CRYZ: variants seen among roughly 807,000 people sequenced by gnomAD.
The protein encoded by CRYZ is crystallin zeta.
A neutral mutation model predicts 34.1 loss-of-function variants in CRYZ; 35 were observed. The observed-to-expected ratio is 1.03, with a 90% confidence interval of 0.78 to 1.36. The LOEUF is 1.36. Ranked by LOEUF, CRYZ falls within the 40% of genes most tolerant of loss-of-function variation. The probability of loss-of-function intolerance (pLI) is 0.00; values close to 1 mark genes in which losing one functional copy is unlikely to be tolerated. For synonymous variants in CRYZ, 137 were observed against 136.5 expected (o/e 1.00, Z -0.03); for missense variants, 403 against 391.8 (o/e 1.03, Z -0.24).
intron 5 of CRYZ, among the ~76,000 whole-genome samples, chr1:74,712,328 A>C (rs921902112): frequency 6.6e-6 from 1 of 152,212 alleles, no homozygotes; most frequent in Non-Finnish European, 1.5e-5. Flanking sequence ...TCTAGATGCC[A>C]GAACCCCTTC....
chr1:74,717,798 G>C (rs542839123), intron 4 of CRYZ, among the ~76,000 whole-genome samples: 2 of 152,088 alleles, frequency 1.3e-5, no homozygotes, highest in African/African-American at 4.8e-5. Flanking sequence ...AGATTCTGCC[G>C]GTCATGGAAT....
At chr1:74,724,549 G>T (rs552958863) in intron 2 of CRYZ, among the ~76,000 whole-genome samples, 162 bp downstream of exon 2, 1 of 152,180 alleles carries the variant, frequency 6.6e-6, no homozygotes, top group Non-Finnish European at 1.5e-5. Context: ...TAATTATCAG[G>T]TTTATGTTAA....
chr1:74,708,539 G>C (rs1279013467), intron 6 of CRYZ: 2 of 152,138 alleles, frequency 1.3e-5, no homozygotes, highest in African/African-American at 2.4e-5. Context: ...CAGTGGAATA[G>C]AGATAAGGAA....
At chr1:74,728,155 T>C (rs1409879035) in intron 1 of CRYZ, among the ~76,000 whole-genome samples, 1 of 152,228 alleles carries the variant, frequency 6.6e-6, no homozygotes, top group Non-Finnish European at 1.5e-5. Flanking sequence ...TTGAGATTTA[T>C]CAATGTCAAA....
At chr1:74,721,856 C>T (rs61790702) in intron 3 of CRYZ, among the ~76,000 whole-genome samples, 6,846 of 152,248 alleles carry the variant, frequency 0.045, 182 homozygotes, top group Non-Finnish European at 0.058. Context: ...TGGAAATGGT[C>T]ACATCTGCAC....
intron 3 of CRYZ, among the ~76,000 whole-genome samples, chr1:74,720,492 C>T (rs1404030124): frequency 6.6e-6 from 1 of 152,152 alleles, no homozygotes; most frequent in African/African-American, 2.4e-5. Context: ...AGACTGCCCA[C>T]CGTAACCACC....
At chr1:74,717,421 C>T (rs2100709965) in intron 4 of CRYZ, among the ~76,000 whole-genome samples, 1 of 152,222 alleles carries the variant, frequency 6.6e-6, no homozygotes, top group Admixed American at 6.5e-5. Flanking sequence ...CACCAATGAC[C>T]TCTTAATTGC....
chr1:74,719,178 TG>T (rs766355707), intron 4 of CRYZ, 30 bp downstream of exon 4: 1 of 1,605,172 alleles, frequency 6.2e-7, no homozygotes. Context: ...CTTTTGGCAT[TG>T]GCCATAAAAT....
At position 74,706,885 on chromosome 1, in the gene CRYZ, A is replaced by G; in HGVS notation, c.828+14T>C. 1.9e-6 allele frequency: 3 copies of G among 1,603,698 alleles called. No homozygotes were observed. Among genetic ancestry groups the G allele is most frequent in the Non-Finnish European group, 2.6e-6 (3 of 1,171,194 alleles). On this transcript the variant is annotated intron_variant, in intron 8 of 8. Transcript: ENST00000340866. Reference sequence around the variant, plus strand: ...TGTTTAAGTTACCAAAATCAGAAGTACTTCTTTTCCTACCTTGGTTGAGGA... The same window carrying G: ...TGTTTAAGTTACCAAAATCAGAAGTGCTTCTTTTCCTACCTTGGTTGAGGA...
intron 5 of CRYZ, among the ~76,000 whole-genome samples, chr1:74,711,318 C>CAAAG (rs1646999697): frequency 6.6e-6 from 1 of 152,006 alleles, no homozygotes; most frequent in African/African-American, 2.4e-5. Flanking sequence ...ATGTGAGGCA[C>CAAAG]AAAGAAAGCG....
intron 1 of CRYZ, among the ~76,000 whole-genome samples, chr1:74,729,608 C>T (rs1461521284): frequency 2.1e-5 from 3 of 146,242 alleles, no homozygotes; most frequent in African/African-American, 7.7e-5. Context: ...CCTGCCACTG[C>T]ACCACTCCAG....
chr1:74,713,610 CAGAG>C (rs200021039), intron 5 of CRYZ, among the ~76,000 whole-genome samples: 1,723 of 152,160 alleles, frequency 0.011, 34 homozygotes, highest in African/African-American at 0.039. Flanking sequence ...CCTAAAGAAA[CAGAG>C]AGACAAAAAG....
intron 1 of CRYZ, among the ~76,000 whole-genome samples, chr1:74,725,869 A>G (rs1027417533): frequency 2.0e-5 from 3 of 152,198 alleles, no homozygotes; most frequent in Non-Finnish European, 2.9e-5. Context: ...CAAAGGGGCT[A>G]CAGGTCCCAT....
intron 8 of CRYZ, 39 bp from the exon 9 acceptor site, chr1:74,706,496 C>T (rs761021586): frequency 7.1e-6 from 11 of 1,541,738 alleles, no homozygotes; most frequent in Middle Eastern, 3.5e-4. Flanking sequence ...TGTAGTGAAC[C>T]GTATGATTTA....
intron 8 of CRYZ, 81 bp from the exon 9 acceptor site, chr1:74,706,538 C>A: frequency 1.6e-6 from 2 of 1,271,102 alleles, no homozygotes; most frequent in Non-Finnish European, 2.2e-6. Flanking sequence ...ACTTCAGAAT[C>A]TAAGTGTTAT....
intron 2 of CRYZ, among the ~76,000 whole-genome samples, chr1:74,724,454 C>G (rs1353048730): frequency 6.6e-6 from 1 of 152,122 alleles, no homozygotes; most frequent in Non-Finnish European, 1.5e-5. Flanking sequence ...TCAGAAAAAT[C>G]CAATTATTGC....
chr1:74,707,316 C>T, intron 6 of CRYZ, 112 bp from the exon 7 acceptor site: 2 of 636,716 alleles, frequency 3.1e-6, no homozygotes, highest in South Asian at 4.0e-5. Flanking sequence ...ATAAATGCTA[C>T]ATCTTTGAGA....
At chr1:74,707,233 AG>A (rs1368690500) in intron 6 of CRYZ, 29 bp from the exon 7 acceptor site, 11 of 1,261,458 alleles carry the variant, frequency 8.7e-6, no homozygotes, top group Non-Finnish European at 1.2e-5. Flanking sequence ...ATGTAGAGTA[AG>A]ATAGCAAGTG....
chr1:74,707,133 C>T lies in CRYZ; in HGVS notation c.702G>A (p.Leu234=), dbSNP rs1646941454. Residue 234 remains leucine, a synonymous_variant, in exon 7 of 9, where the codon TTG becomes TTA. Coordinates refer to ENST00000340866, the MANE Select transcript of CRYZ (RefSeq NM_001889.4). ...CTCGTCCTCCATGTGACAGAAGACT[C>T]AAGTCTTTACTAAGATTTACATTAG... ...MLANVNLSKD[L]SLLSHGGRVI... The T allele has an allele frequency of 6.3e-7, 1 of 1,587,786 alleles. No individual in the cohort carries two copies. The highest frequency in any genetic ancestry group is 8.6e-7 in the Non-Finnish European group (1 of 1,166,804).
Sources: gnomAD v4.1 joint callset for allele counts (sites outside exome capture counted in the v4.1 genomes callset) on GRCh38, gnomAD v4.1.1 for gene constraint, MANE v1.5 for transcripts, NCBI Gene and HGNC (gene_info 2026-07-23, HGNC 2026-07-21) for gene names.